The following KCNH5 variants were observed in gnomAD, a reference collection of about 807,000 sequenced individuals.
KCNH5 encodes voltage-gated delayed rectifier potassium channel KCNH5.
A neutral mutation model predicts 96.1 loss-of-function variants in KCNH5; 46 were observed. That is an observed-to-expected ratio of 0.48 (90% CI 0.38 to 0.61). The LOEUF is 0.61. KCNH5 is among the 20% of genes least tolerant of loss of function. The pLI is 0.00. For missense variants in KCNH5, 907 were observed against 1,225.8 expected (o/e 0.74, Z 3.88); for synonymous variants, 439 against 449.8 (o/e 0.98, Z 0.30).
chr14:62,802,008 C>A (rs1305376564), intron 9 of KCNH5, among the ~76,000 whole-genome samples: 1 of 152,232 alleles, frequency 6.6e-6, no homozygotes, highest in Middle Eastern at 3.4e-3. Context: ...ATCACTACCA[C>A]GTCAATCATT....
At chr14:62,726,115 G>C (rs1884919384) in intron 10 of KCNH5, among the ~76,000 whole-genome samples, 1 of 152,136 alleles carries the variant, frequency 6.6e-6, no homozygotes, top group South Asian at 2.1e-4. Flanking sequence ...GATGTATCTT[G>C]ACCTTTACCT....
chr14:62,709,628 G>A (rs1209406457), intron 10 of KCNH5, among the ~76,000 whole-genome samples: 1 of 152,144 alleles, frequency 6.6e-6, no homozygotes, highest in Non-Finnish European at 1.5e-5. Context: ...CATAGTACAG[G>A]TGAGGGGTTA....
At chr14:63,027,173 G>A (rs958276310) in intron 1 of KCNH5, among the ~76,000 whole-genome samples, 3 of 151,924 alleles carry the variant, frequency 2.0e-5, no homozygotes, top group Admixed American at 2.0e-4. Context: ...GAGAAAAATG[G>A]TGGCTACCAA....
In KCNH5 at chr14:63,030,620, G is replaced by T. The variant is rs569745816; in HGVS notation, c.74-13666C>A. ...GAGTTATTCATCCCCGTCCCCAAAT[G>T]CCAAAGATTCTGTTTTAATTGGTCT... On this transcript the variant is annotated intron_variant, in intron 1 of 10. Transcript: ENST00000322893. 9.2e-5 allele frequency among the ~76,000 whole-genome samples: 14 copies of T among 152,222 alleles called. No homozygotes were observed. The South Asian group carries it at 2.7e-3, about 29-fold the overall frequency.
chr14:62,752,365 A>G (rs1452502970), intron 10 of KCNH5, among the ~76,000 whole-genome samples: 1 of 152,012 alleles, frequency 6.6e-6, no homozygotes, highest in Non-Finnish European at 1.5e-5. Context: ...CTTATGTACC[A>G]GCTTGAACGC....
chr14:62,898,589 AT>A (rs1358767190), intron 7 of KCNH5, among the ~76,000 whole-genome samples: 4 of 152,156 alleles, frequency 2.6e-5, no homozygotes, highest in Non-Finnish European at 4.4e-5. Context: ...TTTTAAAAAA[AT>A]ATAACTATGT....
chr14:62,717,499 G>A (rs891694751), intron 10 of KCNH5, among the ~76,000 whole-genome samples: 15 of 152,154 alleles, frequency 9.9e-5, no homozygotes, highest in African/African-American at 3.1e-4. Flanking sequence ...ATGGTCAACC[G>A]GTTTTTGACA....
intron 7 of KCNH5, among the ~76,000 whole-genome samples, chr14:62,909,434 G>C (rs1162406845): frequency 6.6e-6 from 1 of 152,184 alleles, no homozygotes; most frequent in African/African-American, 2.4e-5. Context: ...GAGCAACATT[G>C]TAAAAGTCCT....
At chr14:63,012,103 G>T (rs1468343847) in intron 2 of KCNH5, among the ~76,000 whole-genome samples, 1 of 152,148 alleles carries the variant, frequency 6.6e-6, no homozygotes, top group Non-Finnish European at 1.5e-5. Context: ...TGCTAAAGTG[G>T]TTCCTACCTA....
chr14:62,708,431 C>G lies in KCNH5; in HGVS notation c.2044G>C (p.Val682Leu). 6.3e-7 allele frequency: 1 copy of G among 1,599,860 alleles called. No individual in the cohort carries two copies. Among genetic ancestry groups the G allele is most frequent in the Non-Finnish European group, 8.5e-7 (1 of 1,174,856 alleles). Residue 682 changes from valine (V) to leucine (L), a missense_variant, in exon 11 of 11, where the codon GTG becomes CTG. By Grantham distance (32) the Val-to-Leu change is conservative. Transcript: ENST00000322893. ...AGGCGCTCCTCCTCCTCTTTCTTCA[C>G]ATCACTGATCTTACGAAAGATGATC... ...KRIIFRKISDVKKEEEERLRQ... is the reference protein window; with the variant it reads ...KRIIFRKISDLKKEEEERLRQ...
chr14:62,934,427 TACAG>T (rs1428418793), intron 7 of KCNH5, among the ~76,000 whole-genome samples: 1 of 152,194 alleles, frequency 6.6e-6, no homozygotes, highest in Non-Finnish European at 1.5e-5. Context: ...CTGCCCATAG[TACAG>T]ACAGTTGTTT....
intron 2 of KCNH5, among the ~76,000 whole-genome samples, chr14:63,006,720 G>T (rs1457058722): frequency 6.6e-6 from 1 of 152,198 alleles, no homozygotes; most frequent in African/African-American, 2.4e-5. Context: ...AGTTTCCACA[G>T]TATGTTAACT....
intron 10 of KCNH5, among the ~76,000 whole-genome samples, chr14:62,711,645 C>T (rs1441987745): frequency 6.6e-6 from 1 of 152,182 alleles, no homozygotes; most frequent in East Asian, 1.9e-4. Flanking sequence ...CAGCAATGCA[C>T]AGCGGAAAAA....
At chr14:62,815,508 C>A (rs898408818) in intron 8 of KCNH5, among the ~76,000 whole-genome samples, 4 of 151,938 alleles carry the variant, frequency 2.6e-5, no homozygotes, top group Non-Finnish European at 2.9e-5. Context: ...ACCACACACA[C>A]AAAAAATGGA....
At chr14:62,786,711 T>G (rs1886327815) in intron 9 of KCNH5, among the ~76,000 whole-genome samples, 1 of 152,218 alleles carries the variant, frequency 6.6e-6, no homozygotes, top group South Asian at 2.1e-4. Context: ...TAACAGCATG[T>G]GATCATTTGA....
At chr14:62,879,807 T>C (rs1888456453) in intron 7 of KCNH5, among the ~76,000 whole-genome samples, 1 of 152,188 alleles carries the variant, frequency 6.6e-6, no homozygotes, top group Non-Finnish European at 1.5e-5. Context: ...TTCTTCTTTG[T>C]AAATTTCAGA....
intron 6 of KCNH5, among the ~76,000 whole-genome samples, chr14:62,959,450 C>T (rs530209395): frequency 6.6e-6 from 1 of 152,204 alleles, no homozygotes; most frequent in South Asian, 2.1e-4. Flanking sequence ...ACTCAATGCC[C>T]ACCCTCTCTC....
At chr14:62,935,667 C>T (rs1889666256) in intron 7 of KCNH5, among the ~76,000 whole-genome samples, 1 of 152,186 alleles carries the variant, frequency 6.6e-6, no homozygotes, top group Non-Finnish European at 1.5e-5. Context: ...TCTTCTCCAC[C>T]CTCCTCTGAA....
chr14:62,806,477 T>C (rs778496065), intron 8 of KCNH5, among the ~76,000 whole-genome samples: 1 of 151,940 alleles, frequency 6.6e-6, no homozygotes, highest in Admixed American at 6.6e-5. Context: ...ACAGCTACCT[T>C]TGGGTAAGTG....
Sources: allele counts gnomAD v4.1 joint callset (sites outside exome capture counted in the v4.1 genomes callset), GRCh38; gene constraint gnomAD v4.1.1; transcripts MANE v1.5; gene names NCBI Gene and HGNC (gene_info 2026-07-23, HGNC 2026-07-21).